MEGF6: variants seen among roughly 807,000 people sequenced by gnomAD.
MEGF6 encodes the protein multiple epidermal growth factor-like domains protein 6.
Under a neutral mutation model 207.1 loss-of-function variants are expected in MEGF6, and 184 were observed. The observed-to-expected ratio is 0.89, with a 90% CI of 0.79 to 1.00. The LOEUF is 1.00. Among genes scored for constraint, MEGF6 ranks in the 50% least tolerant of loss-of-function variants. MEGF6 has a pLI of 0.00. For missense variants in MEGF6, 2,282 were observed against 2,202.9 expected (o/e 1.04, Z -0.72); for synonymous variants, 1,038 against 910.0 (o/e 1.14, Z -2.53).
intron 4 of MEGF6, among the ~76,000 whole-genome samples, chr1:3,574,182 T>A (rs1643582422): frequency 6.6e-6 from 1 of 151,950 alleles, no homozygotes; most frequent in African/African-American, 2.4e-5. Context: ...CTCCCCCGGC[T>A]TGGCAGGCAC....
intron 4 of MEGF6, among the ~76,000 whole-genome samples, chr1:3,546,211 C>A (rs78007021): frequency 0.02 from 3,086 of 152,348 alleles, 120 homozygotes; most frequent in African/African-American, 0.071. Flanking sequence ...CACCTCAATC[C>A]TAATCTGTTC....
chr1:3,523,076 G>T (rs549250857), intron 5 of MEGF6, among the ~76,000 whole-genome samples: 69 of 142,318 alleles, frequency 4.8e-4, no homozygotes, highest in Middle Eastern at 3.4e-3. Context: ...GTGTGTGCCG[G>T]GGGGGGGGCC....
intron 4 of MEGF6, among the ~76,000 whole-genome samples, chr1:3,534,077 G>A (rs537204295): frequency 6.6e-6 from 1 of 152,250 alleles, no homozygotes; most frequent in South Asian, 2.1e-4. Context: ...GCTGCGCGAG[G>A]CCCCAAGCAG....
chr1:3,595,362 G>A lies in MEGF6; in HGVS notation c.352C>T (p.Pro118Ser). The change falls in exon 3 of 37, where the codon CCC becomes TCC. Residue 118 changes from proline to serine, a missense_variant. By Grantham distance (74) the Pro-to-Ser change is moderately conservative (BLOSUM62 -1). Transcript: ENST00000356575. ...LRCCRGWMQQ[P>S]DEEGCLSAEC... ...CCCGAGAGGCAGCCCTCCTCGTCGG[G>A]CTGCTGCATCCACCCTCGGCAGCAC... is the stretch of plus-strand genomic sequence containing the variant. The A allele has an allele frequency of 6.2e-7, 1 of 1,612,474 alleles. No individual in the cohort carries two copies.
At position 3,515,449 on chromosome 1, in the gene MEGF6, T is replaced by G. The variant is rs771224785; in HGVS notation, c.683A>C (p.Gln228Pro). 6.2e-7 allele frequency: 1 copy of G among 1,612,548 alleles called. No individual in the cohort carries two copies. Among genetic ancestry groups the G allele is most frequent in the African/African-American group, 1.3e-5 (1 of 74,934 alleles). ...VQLTITRHRC[Q>P]CRPGFQLQED... is the part of the protein sequence containing the mutation. ...CTGGAGCTGGAACCCGGGCCGGCACTGGCAGCGATGCCGAGTGATTGTGAG... is the reference window on the plus strand; with the variant it reads ...CTGGAGCTGGAACCCGGGCCGGCACGGGCAGCGATGCCGAGTGATTGTGAG... Residue 228 changes from glutamine (Q) to proline (P), a missense_variant, in exon 6 of 37, where the codon CAG becomes CCG. Physicochemically the swap from Gln to Pro is moderately conservative, Grantham distance 76. Coordinates refer to ENST00000356575, the MANE Select transcript of MEGF6 (RefSeq NM_001409.4).
intron 4 of MEGF6, among the ~76,000 whole-genome samples, chr1:3,561,059 C>T (rs1244293750): frequency 1.3e-5 from 2 of 152,160 alleles, no homozygotes; most frequent in Non-Finnish European, 2.9e-5. Flanking sequence ...CTGCCCTGGT[C>T]TCTGGCAGGA....
At position 3,488,782 on chromosome 1, in the gene MEGF6, A is replaced by T. The variant is rs1269241375; in HGVS notation, c.*1746T>A. Among the ~76,000 whole-genome samples, 2 of 152,140 alleles carry T rather than the reference A, an allele frequency of 1.3e-5. No homozygotes were observed. Among genetic ancestry groups the T allele is most frequent in the Non-Finnish European group, 2.9e-5 (2 of 68,014 alleles). On this transcript the variant is annotated 3_prime_UTR_variant, in exon 37 of 37. Transcript: ENST00000356575. ...ACTTTAGAATTTATCTTTGACATTG[A>T]TGTTCTTCAAGGTCTTATGGCTTTT...
At chr1:3,539,157 G>C (rs2101484559) in intron 4 of MEGF6, among the ~76,000 whole-genome samples, 1 of 152,292 alleles carries the variant, frequency 6.6e-6, no homozygotes, top group Middle Eastern at 3.4e-3. Context: ...CCCTGGGGAA[G>C]AGATGGGGCG....
upstream of MEGF6, among the ~76,000 whole-genome samples, chr1:3,613,312 T>A (rs1237506179): frequency 6.6e-6 from 1 of 152,068 alleles, no homozygotes; most frequent in Non-Finnish European, 1.5e-5. Context: ...CAAGAAAACC[T>A]CCCCAGTGCC....
At chr1:3,518,441 G>A (rs1050469423) in intron 5 of MEGF6, among the ~76,000 whole-genome samples, 2 of 152,204 alleles carry the variant, frequency 1.3e-5, no homozygotes, top group Non-Finnish European at 2.9e-5. Flanking sequence ...CAAAGGTAAA[G>A]GGGCCTCCTT....
intron 4 of MEGF6, among the ~76,000 whole-genome samples, chr1:3,543,069 G>A (rs887089867): frequency 1.3e-5 from 2 of 152,226 alleles, no homozygotes; most frequent in Non-Finnish European, 2.9e-5. Flanking sequence ...CCTGGGAGAT[G>A]AGCCCACTCC....
At chr1:3,595,725 G>A in intron 2 of MEGF6, among the ~76,000 whole-genome samples, 1 of 152,132 alleles carries the variant, frequency 6.6e-6, no homozygotes, top group Non-Finnish European at 1.5e-5. Flanking sequence ...GCCCCTGCCT[G>A]GCCCCCTCCC....
At chr1:3,590,597 C>T (rs1232579426) in intron 3 of MEGF6, among the ~76,000 whole-genome samples, 2 of 152,218 alleles carry the variant, frequency 1.3e-5, no homozygotes, top group East Asian at 1.9e-4. Context: ...CGCTCCTACA[C>T]AAACACGGCA....
At chr1:3,580,553 G>A (rs1160700549) in intron 3 of MEGF6, among the ~76,000 whole-genome samples, 1 of 119,830 alleles carries the variant, frequency 8.3e-6, no homozygotes, top group African/African-American at 2.7e-5. Context: ...GCAAGGCAGG[G>A]GCTCTGGAGA....
At chr1:3,558,748 G>A (rs1643107522) in intron 4 of MEGF6, among the ~76,000 whole-genome samples, 1 of 152,262 alleles carries the variant, frequency 6.6e-6, no homozygotes, top group South Asian at 2.1e-4. Flanking sequence ...GCCTTGCTGA[G>A]AAGTGAAGTT....
At chr1:3,494,296 C>T (rs1247904830) in intron 32 of MEGF6, 75 bp downstream of exon 32, 24 of 1,489,002 alleles carry the variant, frequency 1.6e-5, no homozygotes, top group Non-Finnish European at 2.1e-5. Context: ...TCACTGCTGC[C>T]TGGATCACCC....
intron 4 of MEGF6, among the ~76,000 whole-genome samples, chr1:3,551,397 G>A (rs926270904): frequency 6.6e-6 from 1 of 152,212 alleles, no homozygotes; most frequent in East Asian, 1.9e-4. Context: ...GGAAACTCTC[G>A]CCAAATTCCA....
chr1:3,568,970 AG>A (rs1403283075), intron 4 of MEGF6, among the ~76,000 whole-genome samples: 1 of 151,600 alleles, frequency 6.6e-6, no homozygotes, highest in Non-Finnish European at 1.5e-5. Flanking sequence ...GAGAGCTGTC[AG>A]GCTGGGCACT....
At position 3,509,066 on chromosome 1, in the gene MEGF6, C is replaced by A. The variant is rs551973543; in HGVS notation, c.1528+9G>T. The stretch of plus-strand genomic sequence containing the variant: ...AGCAGGAGCCCCCGGGGGCTGGGCC[C>A]GCGCTCACCAAACTTCTCTGTGAGC... On this transcript the variant is annotated intron_variant, in intron 12 of 36. Transcript: ENST00000356575. 37 of 1,570,046 alleles carry A rather than the reference C, an allele frequency of 2.4e-5. No individual in the cohort carries two copies. The South Asian group carries it at 3.2e-4, about 14-fold the overall frequency.
Sources: gnomAD v4.1 joint callset for allele counts (sites outside exome capture counted in the v4.1 genomes callset) on GRCh38, gnomAD v4.1.1 for gene constraint, MANE v1.5 for transcripts, NCBI Gene and HGNC (gene_info 2026-07-23, HGNC 2026-07-21) for gene names.